STAG3: variants seen among roughly 807,000 people sequenced by gnomAD.
The protein encoded by STAG3 is cohesin subunit SA-3.
In STAG3, 101 loss-of-function variants were observed where a neutral mutation model predicts 160.7. That is an observed-to-expected ratio of 0.63 (90% CI 0.54 to 0.74). The LOEUF is 0.74. Among genes scored for constraint, STAG3 ranks in the 30% least tolerant of loss-of-function variants. STAG3 has a pLI of 0.00. For missense variants in STAG3, 1,188 were observed against 1,517.4 expected (o/e 0.78, Z 3.61); for synonymous variants, 519 against 585.0 (o/e 0.89, Z 1.63).
intron 29 of STAG3, among the ~76,000 whole-genome samples, chr7:100,205,589 T>G (rs1801573795): frequency 6.6e-6 from 1 of 152,140 alleles, no homozygotes; most frequent in Non-Finnish European, 1.5e-5. Context: ...CCCAGCACTT[T>G]GGGAGGCCGA....
At chr7:100,217,739 C>T (rs542268428), downstream of STAG3, among the ~76,000 whole-genome samples, 263 of 152,104 alleles carry the variant, frequency 1.7e-3, no homozygotes, top group Middle Eastern at 3.4e-3. Flanking sequence ...TTTAGGTAGC[C>T]GAGGCGGAGA....
chr7:100,207,940 C>A lies in STAG3; in HGVS notation c.3238+2556C>A, dbSNP rs1210196700. On this transcript the variant is annotated intron_variant, in intron 29 of 33. Transcript: ENST00000615138. This position sits in a 1 kb window ranked among gnomAD's most constrained non-coding sequence, Gnocchi z 4.0. The stretch of plus-strand genomic sequence containing the variant: ...GACCATCCTGGCTAACACGGTGAAA[C>A]CCCGTCTCTACTAAAAATACAAAAA... Among the ~76,000 whole-genome samples the A allele has an allele frequency of 2.0e-5, 3 of 151,874 alleles. No individual in the cohort carries two copies. The highest frequency in any genetic ancestry group is 4.4e-5 in the Non-Finnish European group (3 of 67,930).
In STAG3 at chr7:100,198,856, G is replaced by C. The variant is rs1316831623; in HGVS notation, c.1366G>C (p.Glu456Gln). 7 of 1,612,072 alleles carry C rather than the reference G, an allele frequency of 4.3e-6. No homozygotes were observed. Among genetic ancestry groups the C allele is most frequent in the South Asian group, 1.1e-5 (1 of 91,004 alleles). The change falls in exon 14 of 34, where the codon GAG becomes CAG. Residue 456 changes from glutamate to glutamine, a missense_variant. This residue lies in a region of STAG3 where 240 missense variants were observed against 358.1 expected (regional missense o/e 0.67). Transcript: ENST00000615138. The stretch of plus-strand genomic sequence containing the variant: ...CCATTCCACCAGACTCTTCTACCCT[G>C]AGTGCGAGATAAGAATGATGGGTGG... ...EFLYWKLFYP[E>Q]CEIRMMGGRE...
At chr7:100,199,461 G>A in intron 15 of STAG3, 80 bp from the exon 16 acceptor site, 1 of 1,545,120 alleles carries the variant, frequency 6.5e-7, no homozygotes, top group South Asian at 1.1e-5. Flanking sequence ...GGCAGCAACG[G>A]TGGCATCGGG....
At chr7:100,201,422 C>A in intron 21 of STAG3, 71 bp downstream of exon 21, 1 of 1,387,390 alleles carries the variant, frequency 7.2e-7, no homozygotes, top group Non-Finnish European at 1.0e-6. Context: ...TCTAGGTGGC[C>A]ACTAGGTGTG....
chr7:100,213,261 GGGAA>G (rs1802430509), intron 32 of STAG3: 1 of 1,002,158 alleles, frequency 1.0e-6, no homozygotes, highest in South Asian at 4.0e-5. Flanking sequence ...ATCACACTGG[GGGAA>G]GGATTTCAAT....
intron 2 of STAG3, 57 bp downstream of exon 2, chr7:100,180,729 C>T (rs1584645562): frequency 6.7e-6 from 7 of 1,040,768 alleles, no homozygotes; most frequent in South Asian, 2.5e-5. Context: ...CCTTCCCCCT[C>T]GTTTTCCCAC....
intron 4 of STAG3, among the ~76,000 whole-genome samples, chr7:100,183,772 T>G (rs1298558661): frequency 1.3e-5 from 2 of 152,274 alleles, no homozygotes; most frequent in African/African-American, 2.4e-5. Flanking sequence ...TCTTTAATTA[T>G]GTAAATGAAT....
rs564335531 is a variant in STAG3 at position 100,181,856 on chromosome 7, A to G, written c.117-234A>G. Among the ~76,000 whole-genome samples, 3 of 147,058 alleles carry G rather than the reference A, an allele frequency of 2.0e-5. No homozygotes were observed. In the East Asian group the frequency reaches 6.2e-4, roughly 31 times the overall value. On this transcript the variant is annotated intron_variant, in intron 2 of 33. Transcript: ENST00000615138. ...GCGGAGGTTGCAGTGAGCTGAGATC[A>G]TGCGATTGCACTCCAGCCTGGGTGA...
intron 1 of STAG3, among the ~76,000 whole-genome samples, chr7:100,179,372 G>A (rs577633990): frequency 4.0e-5 from 6 of 150,876 alleles, no homozygotes; most frequent in African/African-American, 1.2e-4. Context: ...ACAGGTGTGC[G>A]CAACAACACC....
At position 100,204,254 on chromosome 7, in the gene STAG3, G is replaced by T. The variant is rs1801424416; in HGVS notation, c.2802+132G>T. ...TTTGACTCTTAACTTTACGTGATAG[G>T]TTCCTTCATTCTTAGTAGACCCTTG... On this transcript the variant is annotated intron_variant, in intron 26 of 33. Transcript: ENST00000615138. 8 of 682,522 alleles carry T rather than the reference G, an allele frequency of 1.2e-5. No individual in the cohort carries two copies. In the East Asian group the frequency reaches 1.9e-4, roughly 16 times the overall value. The allele number at this position is 682,522 out of a possible 1,614,324, so 42.3% of individuals were successfully genotyped here. A position where few individuals can be genotyped will look rare whatever the true frequency, so the allele number is the denominator to read the frequency against.
intron 18 of STAG3, 98 bp from the exon 19 acceptor site, chr7:100,200,671 C>A (rs1562986029): frequency 1.9e-6 from 3 of 1,538,942 alleles, no homozygotes; most frequent in Non-Finnish European, 2.7e-6. Flanking sequence ...GGCATCTTAT[C>A]CTTGAAGTTT....
At chr7:100,203,317 C>A (rs1342340957) in intron 25 of STAG3, among the ~76,000 whole-genome samples, 2 of 151,658 alleles carry the variant, frequency 1.3e-5, no homozygotes, top group Non-Finnish European at 2.9e-5. Context: ...TCCCAAGTAG[C>A]TGGGATTACA....
In STAG3 at chr7:100,189,589, G is replaced by T. The variant is rs767644022; in HGVS notation, c.860G>T (p.Arg287Leu). The T allele has an allele frequency of 1.9e-6, 3 of 1,613,028 alleles. No homozygotes were observed. The South Asian group carries it at 3.3e-5, about 18-fold the overall frequency. The part of the protein sequence containing the change: ...PERLESLLEK[R>L]KELQEHQEEI... ...CGGCTGGAGAGCCTGTTGGAGAAACGCAAAGAGGTGAGGAGTGTTCCCTGC... is the reference window on the plus strand; with the variant it reads ...CGGCTGGAGAGCCTGTTGGAGAAACTCAAAGAGGTGAGGAGTGTTCCCTGC... The change falls in exon 8 of 34, where the codon CGC (arginine) becomes CTC (leucine). Residue 287 changes from arginine (R) to leucine (L), a missense_variant. Physicochemically the swap from Arg to Leu is moderately radical, Grantham distance 102. Coordinates refer to ENST00000615138, the MANE Select transcript of STAG3 (RefSeq NM_001282717.2).
At chr7:100,194,974 T>G (rs1300800186) in intron 8 of STAG3, among the ~76,000 whole-genome samples, 8 of 152,124 alleles carry the variant, frequency 5.3e-5, no homozygotes, top group Non-Finnish European at 1.2e-4. Context: ...TCACACACCT[T>G]TAGTTTGTTT....
chr7:100,184,388 A>G (rs538367390), intron 4 of STAG3, among the ~76,000 whole-genome samples: 2 of 147,780 alleles, frequency 1.4e-5, no homozygotes. Context: ...TGGATTTCTT[A>G]TCTTCTGCAA....
At position 100,211,462 on chromosome 7, in the gene STAG3, G is replaced by T; in HGVS notation, c.3441G>T (p.Arg1147Ser). 6.2e-7 allele frequency: 1 copy of T among 1,613,892 alleles called. No homozygotes were observed. Among genetic ancestry groups the T allele is most frequent in the East Asian group, 2.2e-5 (1 of 44,864 alleles). ...QGSQPVAGTE[R>S]SRFLGPQYFQ... is the part of the protein sequence containing the mutation. ...GTCAGCCCGTCGCAGGCACCGAGAG[G>T]TCAAGGTTCTTGGGTCCACAATATT... The change falls in exon 31 of 34, where the codon AGG becomes AGT. Residue 1147 changes from arginine (R) to serine (S), a missense_variant. This residue lies in a region of STAG3 where 647 missense variants were observed against 717.2 expected (regional missense o/e 0.90). Coordinates refer to ENST00000615138, the MANE Select transcript of STAG3 (RefSeq NM_001282717.2).
chr7:100,187,457 A>T (rs1430728909), intron 5 of STAG3, among the ~76,000 whole-genome samples: 1 of 151,324 alleles, frequency 6.6e-6, no homozygotes, highest in Non-Finnish European at 1.5e-5. Context: ...AGGGGACACC[A>T]GTCCTGACCT....
chr7:100,211,671 C>G (rs1481900109), intron 31 of STAG3, 124 bp from the exon 32 acceptor site: 1 of 1,403,390 alleles, frequency 7.1e-7, no homozygotes, highest in Non-Finnish European at 9.9e-7. Context: ...TTCCTGTCAG[C>G]ACAATCGGGA....
Sources: allele counts gnomAD v4.1 joint callset (sites outside exome capture counted in the v4.1 genomes callset), GRCh38; gene constraint gnomAD v4.1.1; regional missense constraint gnomAD v4.1.1; non-coding constraint Gnocchi (gnomAD v3.1); transcripts MANE v1.5; gene names NCBI Gene and HGNC (gene_info 2026-07-23, HGNC 2026-07-21).